The following ODF2 variants were observed in gnomAD, a reference collection of about 807,000 sequenced individuals.
ODF2 encodes the protein outer dense fiber of sperm tails 2, also known as outer dense fiber protein 2.
A neutral mutation model predicts 110.2 loss-of-function variants in ODF2; 47 were observed. That is an observed-to-expected ratio of 0.43 (90% confidence interval 0.34 to 0.54). The LOEUF (loss-of-function observed/expected upper bound fraction) is 0.54, where lower values mean the gene tolerates loss of function less well. Ranked by LOEUF, ODF2 falls within the 20% of genes least tolerant of loss-of-function variation. The probability of loss-of-function intolerance (pLI) is 0.03; values close to 1 mark genes in which losing one functional copy is unlikely to be tolerated. For synonymous variants in ODF2, 352 were observed against 397.7 expected, an observed-to-expected ratio of 0.89 and a Z score of 1.37; for missense variants, 812 against 1,054.5, an observed-to-expected ratio of 0.77 and a Z score of 3.19.
At chr9:128,490,135 C>A (rs547798779) in intron 14 of ODF2, among the ~76,000 whole-genome samples, 1 of 152,228 alleles carries the variant, frequency 6.6e-6, no homozygotes, top group Non-Finnish European at 1.5e-5. Flanking sequence ...TCTAGACCAG[C>A]CTGGGCAACC....
chr9:128,457,001 T>C (rs779091274), intron 1 of ODF2: 146 of 1,252,612 alleles, frequency 1.2e-4, no homozygotes, highest in Non-Finnish European at 1.4e-4. Flanking sequence ...TGGGGCCCAC[T>C]TGGGGCCGAG....
intron 16 of ODF2, among the ~76,000 whole-genome samples, chr9:128,493,440 C>T (rs956524761): frequency 1.3e-5 from 2 of 152,208 alleles, no homozygotes; most frequent in African/African-American, 4.8e-5. Flanking sequence ...TCCAAGTAGA[C>T]AGAAATCTAC....
At chr9:128,484,075 TG>T in intron 11 of ODF2, 21 bp downstream of exon 11, 1 of 1,572,308 alleles carries the variant, frequency 6.4e-7, no homozygotes. Context: ...GCCCCACAAG[TG>T]GGGAAAGAGG....
intron 6 of ODF2, among the ~76,000 whole-genome samples, chr9:128,472,576 G>A (rs1840293012): frequency 6.6e-6 from 1 of 152,132 alleles, no homozygotes; most frequent in East Asian, 1.9e-4. Flanking sequence ...TAGAGAAGAG[G>A]TAGAAGGGCT....
At chr9:128,491,329 C>T (rs1487572644) in intron 14 of ODF2, among the ~76,000 whole-genome samples, 1 of 151,642 alleles carries the variant, frequency 6.6e-6, no homozygotes, top group Non-Finnish European at 1.5e-5. Context: ...AGGTGTGAGC[C>T]ACCACATCCG....
chr9:128,460,653 C>T lies in ODF2; in HGVS notation c.124-289C>T, dbSNP rs778631061. 1.1e-5 allele frequency: 18 copies of T among 1,613,980 alleles called. No homozygotes were observed. The highest frequency in any genetic ancestry group is 1.4e-5 in the Non-Finnish European group (16 of 1,180,022). ...ATAAAAAAACTCCCGAAACCATCAG[C>T]GACCAGCAGCCAGGTAGGAGCATGC... On this transcript the variant is annotated intron_variant, in intron 3 of 20. Coordinates refer to ENST00000604420, the Ensembl canonical transcript of ODF2.
intron 3 of ODF2, chr9:128,460,625 C>T (rs865861515): frequency 1.2e-6 from 2 of 1,614,110 alleles, no homozygotes; most frequent in Middle Eastern, 3.3e-4. Flanking sequence ...TGTCCACGTC[C>T]ACATAAAAAA....
chr9:128,492,561 C>T, intron 15 of ODF2, 25 bp downstream of exon 15: 8 of 1,576,040 alleles, frequency 5.1e-6, no homozygotes, highest in Non-Finnish European at 7.0e-6. Context: ...GGCCCTGGCC[C>T]TTCTGAGCAG....
In ODF2 at chr9:128,485,367, T is replaced by A; in HGVS notation, c.1293T>A (p.Asp431Glu). 4 of 1,584,202 alleles carry A rather than the reference T, an allele frequency of 2.5e-6. No homozygotes were observed. The highest frequency in any genetic ancestry group is 3.5e-6 in the Non-Finnish European group (4 of 1,154,204). The change falls in exon 13 of 21, where the codon GAT becomes GAA. Residue 431 changes from aspartate (D) to glutamate (E), a missense_variant and splice_region_variant. Asp to Glu is a conservative substitution (Grantham distance 45). Around this residue, in one of 5 missense-constraint regions of ODF2, gnomAD observed 165 missense variants for 293.4 expected, o/e 0.56. Transcript: ENST00000604420. The surrounding 1 kb of genome is among the most constrained non-coding windows in gnomAD (Gnocchi z 5.0). ...GCCCTTTTGTCCCGTGTTCCCAGGA[T>A]CTTTATGTCGCTGAAGCTTTATCCA...
At position 128,458,574 on chromosome 9, in the gene ODF2, T is replaced by C. The variant is rs1049876348; in HGVS notation, c.33-993T>C. 3.3e-5 allele frequency among the ~76,000 whole-genome samples: 5 copies of C among 151,588 alleles called. No homozygotes were observed. The East Asian group carries it at 5.8e-4, about 18-fold the overall frequency. On this transcript the variant is annotated intron_variant, in intron 2 of 20. Coordinates refer to ENST00000604420, the Ensembl canonical transcript of ODF2. The stretch of plus-strand genomic sequence containing the variant: ...GAAAGATTTTGGAGCAAATAGACTT[T>C]TGCTCTCTCTCTTTTTTTTTTTTTT...
chr9:128,497,436 AAAAAAAAAAAATATATAT>A (rs1341311438), intron 18 of ODF2: 1 of 97,586 alleles, frequency 1.0e-5, no homozygotes, highest in African/African-American at 4.8e-5. Flanking sequence ...AAAAAAAAAA[AAAAAAAAAAAATATATAT>A]ATATATATAT....
upstream of ODF2, chr9:128,455,966 T>C: frequency 7.1e-7 from 1 of 1,411,430 alleles, no homozygotes; most frequent in Non-Finnish European, 9.2e-7. Context: ...GCACGTCTCC[T>C]TGGTGACGGG....
At chr9:128,476,982 G>C (rs1240619566) in intron 8 of ODF2, among the ~76,000 whole-genome samples, 1 of 150,700 alleles carries the variant, frequency 6.6e-6, no homozygotes, top group Non-Finnish European at 1.5e-5. Context: ...AGTGGCTCAT[G>C]CCTGTAATCC....
intron 20 of ODF2, among the ~76,000 whole-genome samples, chr9:128,499,492 G>A (rs776760469): frequency 1.3e-5 from 2 of 151,996 alleles, no homozygotes; most frequent in Non-Finnish European, 1.5e-5. Context: ...ATGGGGTTTC[G>A]CCATGTTGGC....
chr9:128,457,746 A>G (rs1303565983), intron 2 of ODF2, among the ~76,000 whole-genome samples: 1 of 152,122 alleles, frequency 6.6e-6, no homozygotes, highest in Non-Finnish European at 1.5e-5. Flanking sequence ...GTGTAAATAA[A>G]TAACACGTAG....
chr9:128,484,763 G>A (rs1436239639), exon 12 of ODF2: 2 of 1,608,618 alleles, frequency 1.2e-6, no homozygotes, highest in African/African-American at 2.7e-5. Context: ...AGCAGCTGAA[G>A]GAGTTGAAGC....
intron 3 of ODF2, chr9:128,460,309 G>A: frequency 7.1e-7 from 1 of 1,408,864 alleles, no homozygotes; most frequent in South Asian, 1.2e-5. Context: ...GGTGGGTCTT[G>A]CAGACCCTCT....
At position 128,472,091 on chromosome 9, in the gene ODF2, C is replaced by T. The variant is rs563148932; in HGVS notation, c.581+623C>T. 3.3e-5 allele frequency among the ~76,000 whole-genome samples: 5 copies of T among 152,220 alleles called. No individual in the cohort carries two copies. In the East Asian group the frequency reaches 7.8e-4, roughly 24 times the overall value. The stretch of plus-strand genomic sequence containing the variant: ...GTCAGGAGTTCGAGACCAGCCTGGC[C>T]AACATGGTGAAACCCTGTCTCTACT... On this transcript the variant is annotated intron_variant, in intron 6 of 20. Coordinates refer to ENST00000604420, the Ensembl canonical transcript of ODF2.
chr9:128,484,908 G>T, intron 12 of ODF2, 22 bp downstream of exon 12: 1 of 1,609,036 alleles, frequency 6.2e-7, no homozygotes, highest in Admixed American at 1.7e-5. Context: ...GCGGTGCCCA[G>T]CTCCTCACCT....
Sources: gnomAD v4.1 joint callset for allele counts (sites outside exome capture counted in the v4.1 genomes callset) on GRCh38, gnomAD v4.1.1 for gene constraint, gnomAD v4.1.1 regional missense constraint, Gnocchi (gnomAD v3.1) non-coding constraint, MANE v1.5 for transcripts, NCBI Gene and HGNC (gene_info 2026-07-23, HGNC 2026-07-21) for gene names.